The following PTPRD variants were observed in gnomAD, a reference collection of about 807,000 sequenced individuals.
PTPRD encodes protein tyrosine phosphatase receptor type D, also known as receptor-type tyrosine-protein phosphatase delta.
Under a neutral mutation model 214.5 loss-of-function variants are expected in PTPRD, and 34 were observed. That is an observed-to-expected ratio of 0.16 (90% confidence interval 0.12 to 0.21). The LOEUF is 0.21. Among genes scored for constraint, PTPRD ranks in the 10% least tolerant of loss-of-function variants. The probability of loss-of-function intolerance (pLI) is 1.00; values close to 1 mark genes in which losing one functional copy is unlikely to be tolerated. For synonymous variants in PTPRD, 1,128 were observed against 845.7 expected (o/e 1.33, Z -5.79); for missense variants, 2,545 against 2,398.7 (o/e 1.06, Z -1.27).
At chr9:10,515,272 A>G (rs2049663983) in intron 2 of PTPRD, among the ~76,000 whole-genome samples, 1 of 151,990 alleles carries the variant, frequency 6.6e-6, no homozygotes, top group Non-Finnish European at 1.5e-5. Context: ...ATGAGAAAAG[A>G]AGAGAAATAT....
At chr9:9,243,308 G>A (rs182289673) in intron 9 of PTPRD, among the ~76,000 whole-genome samples, 87 of 152,176 alleles carry the variant, frequency 5.7e-4, no homozygotes, top group Middle Eastern at 3.4e-3. Flanking sequence ...GCATCATCCC[G>A]ATACCAAAGC....
chr9:9,574,961 A>G (rs969539807), intron 7 of PTPRD, among the ~76,000 whole-genome samples, 180 bp from the exon 8 acceptor site: 1 of 152,166 alleles, frequency 6.6e-6, no homozygotes, highest in Non-Finnish European at 1.5e-5. Flanking sequence ...CCAGTTACTC[A>G]TCTTACATCA....
chr9:8,798,365 G>C (rs2096492634), intron 11 of PTPRD, among the ~76,000 whole-genome samples: 1 of 152,072 alleles, frequency 6.6e-6, no homozygotes, highest in Non-Finnish European at 1.5e-5. Context: ...TCATACCAAA[G>C]TGCCAAGAAT....
At chr9:9,772,620 A>G (rs2098761330) in intron 5 of PTPRD, among the ~76,000 whole-genome samples, 1 of 141,874 alleles carries the variant, frequency 7.0e-6, no homozygotes. Flanking sequence ...ATTGTCTATC[A>G]CAAACACTTT....
chr9:9,338,634 T>G (rs1461496934), intron 9 of PTPRD, among the ~76,000 whole-genome samples: 1 of 152,162 alleles, frequency 6.6e-6, no homozygotes, highest in African/African-American at 2.4e-5. Flanking sequence ...TTATTCAAAA[T>G]TTTTAAAATC....
At chr9:10,388,624 T>C (rs541616161) in intron 2 of PTPRD, among the ~76,000 whole-genome samples, 31 of 151,982 alleles carry the variant, frequency 2.0e-4, no homozygotes, top group African/African-American at 6.3e-4. Flanking sequence ...TAACATACTA[T>C]AATGACAAAA....
At chr9:9,358,241 T>C (rs1596328113) in intron 9 of PTPRD, among the ~76,000 whole-genome samples, 1 of 151,460 alleles carries the variant, frequency 6.6e-6, no homozygotes, top group East Asian at 1.9e-4. Context: ...TTATATTGCC[T>C]GTTGTCTATT....
chr9:8,369,713 A>AGT (rs2080954518), intron 39 of PTPRD, among the ~76,000 whole-genome samples: 1 of 151,240 alleles, frequency 6.6e-6, no homozygotes, highest in African/African-American at 2.4e-5. Flanking sequence ...ATGAATAGAA[A>AGT]GTCTTCCTTT....
At position 9,636,293 on chromosome 9, in the gene PTPRD, G is replaced by C. The variant is rs541923114; in HGVS notation, c.-286-61512C>G. ...AACAATGTCTAGGACTTTTTGCATA[G>C]TTTGCATTTGTAATTTTACATTTGT... On this transcript the variant is annotated intron_variant, in intron 7 of 45. Coordinates refer to ENST00000381196, the MANE Select transcript of PTPRD (RefSeq NM_002839.4). Among the ~76,000 whole-genome samples, 4 of 152,218 alleles carry C rather than the reference G, an allele frequency of 2.6e-5. No individual in the cohort carries two copies. In the East Asian group the frequency reaches 7.7e-4, roughly 29 times the overall value.
At chr9:9,731,125 T>C (rs78336978) in intron 7 of PTPRD, among the ~76,000 whole-genome samples, 1,597 of 152,264 alleles carry the variant, frequency 0.01, 33 homozygotes, top group African/African-American at 0.037. Context: ...ATGTAGGAAG[T>C]GTCAGTTCTT....
At chr9:9,211,804 A>ATT (rs371299570) in intron 9 of PTPRD, among the ~76,000 whole-genome samples, 21 of 144,696 alleles carry the variant, frequency 1.5e-4, no homozygotes, top group Non-Finnish European at 2.6e-4. Flanking sequence ...AACTGGTACT[A>ATT]TTTTTTTTTT....
At chr9:10,515,212 C>A (rs2049640246) in intron 2 of PTPRD, among the ~76,000 whole-genome samples, 3 of 151,976 alleles carry the variant, frequency 2.0e-5, no homozygotes, top group African/African-American at 4.8e-5. Context: ...TCAACAGATT[C>A]TTGCTGCTAA....
intron 9 of PTPRD, among the ~76,000 whole-genome samples, chr9:9,354,394 T>C (rs1454888376): frequency 6.6e-6 from 1 of 151,892 alleles, no homozygotes; most frequent in Non-Finnish European, 1.5e-5. Flanking sequence ...GCAGCTTTTA[T>C]ACTTCTTTCA....
chr9:9,257,446 G>C (rs1051511499), intron 9 of PTPRD, among the ~76,000 whole-genome samples: 1 of 151,832 alleles, frequency 6.6e-6, no homozygotes, highest in East Asian at 1.9e-4. Flanking sequence ...TTAATTTGAA[G>C]AGAAATTTAA....
intron 5 of PTPRD, among the ~76,000 whole-genome samples, chr9:9,905,154 CAT>C (rs2077253771): frequency 6.6e-6 from 1 of 151,936 alleles, no homozygotes; most frequent in African/African-American, 2.4e-5. Flanking sequence ...TTGAACACGA[CAT>C]TTTTTTTCAA....
chr9:10,313,396 T>TCACACACACACACACACACA (rs1565223815), intron 3 of PTPRD, among the ~76,000 whole-genome samples: 1 of 91,958 alleles, frequency 1.1e-5, no homozygotes, highest in South Asian at 3.8e-4. Context: ...CAGGTACAGA[T>TCACACACACACACACACACA]TACACACACA....
intron 11 of PTPRD, among the ~76,000 whole-genome samples, chr9:8,813,519 G>A (rs536965683): frequency 5.9e-5 from 9 of 152,150 alleles, no homozygotes; most frequent in South Asian, 4.2e-4. Flanking sequence ...TACAAGGCAC[G>A]TGCCACCATG....
Position 9,219,795 on chromosome 9 carries a change from G to A in PTPRD, c.-202-36432C>T, listed in dbSNP as rs142161363. On this transcript the variant is annotated intron_variant, in intron 9 of 45. Coordinates refer to ENST00000381196, the MANE Select transcript of PTPRD (RefSeq NM_002839.4). ...CCACCCTGAGAGTTCTACACATGGC[G>A]GACAGTGAAAATCTGGCAGCTGCAT... is the stretch of plus-strand genomic sequence containing the variant. 1.7e-3 allele frequency among the ~76,000 whole-genome samples: 259 copies of A among 152,232 alleles called. 1 individual carries two copies. The highest frequency in any genetic ancestry group is 5.9e-3 in the African/African-American group (246 of 41,558).
intron 2 of PTPRD, among the ~76,000 whole-genome samples, chr9:10,451,855 C>G (rs1216744427): frequency 1.3e-5 from 2 of 151,972 alleles, no homozygotes; most frequent in Non-Finnish European, 2.9e-5. Context: ...AAACCTCACC[C>G]TACTCGTATG....
Sources: allele counts gnomAD v4.1 joint callset (sites outside exome capture counted in the v4.1 genomes callset), GRCh38; gene constraint gnomAD v4.1.1; transcripts MANE v1.5; gene names NCBI Gene and HGNC (gene_info 2026-07-23, HGNC 2026-07-21).